Variants in PTPRD observed in about 807,000 individuals in gnomAD.
PTPRD encodes receptor-type tyrosine-protein phosphatase delta.
PTPRD carries 34 observed loss-of-function variants against 214.5 expected under a neutral mutation model. That is an observed-to-expected ratio of 0.16 (90% CI 0.12 to 0.21). The LOEUF is 0.21. PTPRD is among the 10% of genes least tolerant of loss of function. PTPRD has a pLI of 1.00. For synonymous variants in PTPRD, 1,128 were observed against 845.7 expected (o/e 1.33, Z -5.79); for missense variants, 2,545 against 2,398.7 (o/e 1.06, Z -1.27).
At chr9:8,530,180 G>A (rs534154385) in intron 14 of PTPRD, among the ~76,000 whole-genome samples, 18 of 152,034 alleles carry the variant, frequency 1.2e-4, no homozygotes, top group African/African-American at 3.6e-4. Flanking sequence ...TGCCTCCACC[G>A]TGTTGCCAGT....
chr9:8,493,455 A>G (rs2097191308), intron 26 of PTPRD, among the ~76,000 whole-genome samples: 1 of 151,904 alleles, frequency 6.6e-6, no homozygotes. Context: ...ACACATATCC[A>G]CTGTAACCCA....
At chr9:9,982,481 T>TG (rs1180307307) in intron 4 of PTPRD, among the ~76,000 whole-genome samples, 6 of 13,788 alleles carry the variant, frequency 4.4e-4, no homozygotes, top group African/African-American at 9.2e-4. Flanking sequence ...TGGTGGTGTG[T>TG]GTGTGTGTGT....
At chr9:8,390,344 G>T (rs117498685) in intron 36 of PTPRD, among the ~76,000 whole-genome samples, 3,755 of 152,022 alleles carry the variant, frequency 0.025, 65 homozygotes, top group Middle Eastern at 0.082. Flanking sequence ...CTAGACACTG[G>T]TCTGCTTCAA....
chr9:10,341,916 C>T (rs1459803856), intron 2 of PTPRD, among the ~76,000 whole-genome samples: 1 of 151,812 alleles, frequency 6.6e-6, no homozygotes, highest in African/African-American at 2.4e-5. Flanking sequence ...CTTAGCAACT[C>T]AACTTTTTAA....
At chr9:8,866,769 T>C (rs2098203846) in intron 11 of PTPRD, among the ~76,000 whole-genome samples, 1 of 90,826 alleles carries the variant, frequency 1.1e-5, no homozygotes, top group Non-Finnish European at 2.2e-5. Flanking sequence ...TTAAGAATCA[T>C]CTCATCAAGT....
chr9:10,499,742 G>C (rs1426950979), intron 2 of PTPRD, among the ~76,000 whole-genome samples: 2 of 148,242 alleles, frequency 1.3e-5, no homozygotes, highest in Non-Finnish European at 3.0e-5. Flanking sequence ...CTTGATTTAA[G>C]ACCACCATGT....
At chr9:9,465,467 T>C (rs1365793087) in intron 8 of PTPRD, among the ~76,000 whole-genome samples, 1 of 152,202 alleles carries the variant, frequency 6.6e-6, no homozygotes, top group Non-Finnish European at 1.5e-5. Context: ...AGTGTAAGAA[T>C]ATAACATTTA....
chr9:9,795,977 C>G (rs1426289064), intron 5 of PTPRD, among the ~76,000 whole-genome samples: 1 of 151,884 alleles, frequency 6.6e-6, no homozygotes, highest in Non-Finnish European at 1.5e-5. Context: ...CTATGCACCA[C>G]CGTCACAAGA....
At chr9:9,958,354 A>AC (rs1257830994) in intron 4 of PTPRD, among the ~76,000 whole-genome samples, 2 of 152,126 alleles carry the variant, frequency 1.3e-5, no homozygotes, top group Admixed American at 1.3e-4. Context: ...ACATGGTGAA[A>AC]CCCCATCTCT....
At chr9:9,020,857 A>G (rs1413894206) in intron 10 of PTPRD, among the ~76,000 whole-genome samples, 1 of 152,198 alleles carries the variant, frequency 6.6e-6, no homozygotes, top group African/African-American at 2.4e-5. Context: ...AAGGTGCTAG[A>G]TGACGTATCT....
intron 3 of PTPRD, among the ~76,000 whole-genome samples, chr9:10,056,456 C>G (rs1186849432): frequency 6.7e-6 from 1 of 149,996 alleles, no homozygotes; most frequent in African/African-American, 2.5e-5. Context: ...AAAAAAAAAA[C>G]TATTGAATAA....
intron 8 of PTPRD, among the ~76,000 whole-genome samples, chr9:9,564,105 C>T (rs536973335): frequency 6.6e-6 from 1 of 152,164 alleles, no homozygotes; most frequent in Admixed American, 6.5e-5. Context: ...ATCTGGCCTC[C>T]CAAGAGTGTA....
At chr9:8,747,319 A>C (rs1451365591) in intron 11 of PTPRD, among the ~76,000 whole-genome samples, 1 of 152,180 alleles carries the variant, frequency 6.6e-6, no homozygotes, top group Non-Finnish European at 1.5e-5. Flanking sequence ...ACAGGCTCTA[A>C]GTATGCTTAC....
At chr9:10,254,306 C>T (rs963754599) in intron 3 of PTPRD, among the ~76,000 whole-genome samples, 5 of 152,056 alleles carry the variant, frequency 3.3e-5, no homozygotes, top group African/African-American at 1.2e-4. Context: ...TTTGATTTAC[C>T]AAGATTGCTT....
chr9:9,838,639 G>A (rs1409258278), intron 5 of PTPRD, among the ~76,000 whole-genome samples: 2 of 152,082 alleles, frequency 1.3e-5, no homozygotes, highest in African/African-American at 4.8e-5. Context: ...AAATTTGTTT[G>A]AGTTCATTGT....
chr9:8,532,380 A>T (rs1401483954), intron 14 of PTPRD, among the ~76,000 whole-genome samples: 1 of 152,074 alleles, frequency 6.6e-6, no homozygotes, highest in Non-Finnish European at 1.5e-5. Context: ...TTAGTGATTT[A>T]TATAAAACTG....
In PTPRD at chr9:8,640,125, C is replaced by T. The variant is rs115931151; in HGVS notation, c.65-3281G>A. On this transcript the variant is annotated intron_variant, in intron 12 of 45. Transcript: ENST00000381196. ...TTTTTATTATTTGTAGACATGGGGTCTCCCTATGTTGTTCAGCATGTCTTG... is the reference window on the plus strand; with the variant it reads ...TTTTTATTATTTGTAGACATGGGGTTTCCCTATGTTGTTCAGCATGTCTTG... Among the ~76,000 whole-genome samples, 759 of 152,156 alleles carry T rather than the reference C, an allele frequency of 5.0e-3. 12 individuals carry two copies. The highest frequency in any genetic ancestry group is 0.018 in the African/African-American group (730 of 41,528).
chr9:9,394,146 T>C (rs2066891029), intron 9 of PTPRD, among the ~76,000 whole-genome samples: 1 of 152,168 alleles, frequency 6.6e-6, no homozygotes, highest in South Asian at 2.1e-4. Flanking sequence ...TCCCTTTACA[T>C]CATTTAATCA....
At chr9:8,490,365 A>C (rs1158480708) in intron 27 of PTPRD, among the ~76,000 whole-genome samples, 1 of 152,154 alleles carries the variant, frequency 6.6e-6, no homozygotes, top group East Asian at 1.9e-4. Flanking sequence ...AGCAATTGGA[A>C]TCATTGGAGA....
Sources: allele counts gnomAD v4.1 joint callset (sites outside exome capture counted in the v4.1 genomes callset), GRCh38; gene constraint gnomAD v4.1.1; transcripts MANE v1.5; gene names NCBI Gene and HGNC (gene_info 2026-07-23, HGNC 2026-07-21).